The following R3HDM1 variants were observed in gnomAD, a reference collection of about 807,000 sequenced individuals.
The protein encoded by R3HDM1 is R3H domain containing 1, also known as R3H domain-containing protein 1.
R3HDM1 carries 46 observed loss-of-function variants against 141.1 expected under a neutral mutation model. That is an observed-to-expected ratio of 0.33 (90% CI 0.26 to 0.42). The LOEUF (loss-of-function observed/expected upper bound fraction) is 0.42, where lower values mean the gene tolerates loss of function less well. R3HDM1 is among the 10% of genes least tolerant of loss of function. The probability of loss-of-function intolerance (pLI) is 1.00; values close to 1 mark genes in which losing one functional copy is unlikely to be tolerated. For synonymous variants in R3HDM1, 435 were observed against 472.9 expected, an observed-to-expected ratio of 0.92 and a Z score of 1.04; for missense variants, 1,184 against 1,368.3, an observed-to-expected ratio of 0.87 and a Z score of 2.12.
intron 3 of R3HDM1, among the ~76,000 whole-genome samples, chr2:135,612,646 G>A (rs528192358): frequency 3.3e-5 from 5 of 152,246 alleles, no homozygotes; most frequent in Admixed American, 6.5e-5. Context: ...ATAAATTGGG[G>A]ACTTTGTCCC....
intron 3 of R3HDM1, among the ~76,000 whole-genome samples, chr2:135,615,703 C>T (rs2060963595): frequency 6.6e-6 from 1 of 152,210 alleles, no homozygotes; most frequent in African/African-American, 2.4e-5. Context: ...TGGACTCTGA[C>T]TTACTGTGCA....
At chr2:135,576,856 T>C (rs1027235351) in intron 1 of R3HDM1, 2 of 158,114 alleles carry the variant, frequency 1.3e-5, no homozygotes, top group Admixed American at 1.3e-4. Flanking sequence ...GGGAGTTTGG[T>C]CTAAAGAGGG....
intron 1 of R3HDM1, among the ~76,000 whole-genome samples, chr2:135,557,186 G>A (rs545072639): frequency 4.8e-4 from 73 of 151,960 alleles, no homozygotes; most frequent in African/African-American, 1.7e-3. Flanking sequence ...CTTACTCTAC[G>A]GTGGTAATTA....
intron 3 of R3HDM1, among the ~76,000 whole-genome samples, chr2:135,610,635 G>A (rs1027457418): frequency 2.6e-5 from 4 of 152,152 alleles, no homozygotes; most frequent in African/African-American, 4.8e-5. Flanking sequence ...ACGCTTCTTC[G>A]ACAATGAAGG....
At position 135,645,272 on chromosome 2, in the gene R3HDM1, T is replaced by TA. The variant is rs2064271932; in HGVS notation, c.1475-105dup. The TA allele has an allele frequency of 1.3e-5, 13 of 974,108 alleles. No individual in the cohort carries two copies. The Admixed American group carries it at 3.2e-4, about 24-fold the overall frequency. 60.3% of individuals were successfully genotyped at this position (974,108 alleles called of 1,614,324 possible). A position where few individuals can be genotyped will look rare whatever the true frequency, so the allele number is the denominator to read the frequency against. ...GTTTTCAAATATTAGGGTTTTTTTT[T>TA]AATTGTGGTTAAAGGATTTTGGACA... is the stretch of plus-strand genomic sequence containing the variant. On this transcript the variant is annotated intron_variant, in intron 15 of 26. Coordinates refer to ENST00000683871, the MANE Select transcript of R3HDM1 (RefSeq NM_001378107.1).
At position 135,604,186 on chromosome 2, in the gene R3HDM1, T is replaced by G. The variant is rs547591758; in HGVS notation, c.-40-620T>G. On this transcript the variant is annotated intron_variant, in intron 2 of 26. Coordinates refer to ENST00000683871, the MANE Select transcript of R3HDM1 (RefSeq NM_001378107.1). ...TTGTTAATCCAGATTTACAAGTGTA[T>G]TTTGTAATAGAATGTTACTGTTTAT... Among the ~76,000 whole-genome samples, 194 of 152,350 alleles carry G rather than the reference T, an allele frequency of 1.3e-3. 2 individuals are homozygous for G. The highest frequency in any genetic ancestry group is 4.3e-3 in the African/African-American group (177 of 41,586).
intron 11 of R3HDM1, among the ~76,000 whole-genome samples, 162 bp from the exon 12 acceptor site, chr2:135,638,456 C>G (rs1355814119): frequency 6.6e-6 from 1 of 152,078 alleles, no homozygotes; most frequent in Non-Finnish European, 1.5e-5. Flanking sequence ...CATAGGATCT[C>G]CAAACCAGAA....
At chr2:135,558,355 C>T (rs771442185) in intron 1 of R3HDM1, among the ~76,000 whole-genome samples, 4 of 152,188 alleles carry the variant, frequency 2.6e-5, no homozygotes, top group Non-Finnish European at 5.9e-5. Flanking sequence ...GACAGCACAA[C>T]TATCTAAATT....
chr2:135,581,830 T>G (rs1235569922), intron 1 of R3HDM1, among the ~76,000 whole-genome samples: 1 of 152,228 alleles, frequency 6.6e-6, no homozygotes, highest in Non-Finnish European at 1.5e-5. Flanking sequence ...TATGTCTAAA[T>G]TATTGTAAAA....
intron 16 of R3HDM1, 129 bp from the exon 17 acceptor site, chr2:135,649,773 G>A (rs1331135099): frequency 2.7e-6 from 1 of 366,756 alleles, no homozygotes; most frequent in East Asian, 1.2e-4. Flanking sequence ...TTCCTATGTT[G>A]TTATATTTTA....
intron 1 of R3HDM1, among the ~76,000 whole-genome samples, chr2:135,541,922 A>AT (rs1182801152): frequency 6.6e-6 from 1 of 151,682 alleles, no homozygotes; most frequent in African/African-American, 2.4e-5. Context: ...TAGGTTGAGT[A>AT]TTTTTTACCC....
chr2:135,545,253 C>T (rs186012729), intron 1 of R3HDM1, among the ~76,000 whole-genome samples: 1 of 152,062 alleles, frequency 6.6e-6, no homozygotes, highest in African/African-American at 2.4e-5. Context: ...CCGTGTACTG[C>T]CTATATAAAG....
At chr2:135,692,319 G>T (rs2072534577) in intron 21 of R3HDM1, among the ~76,000 whole-genome samples, 1 of 152,058 alleles carries the variant, frequency 6.6e-6, no homozygotes, top group Admixed American at 6.5e-5. Context: ...ATTATGCTTG[G>T]CCGGGCACAG....
At chr2:135,658,205 C>T (rs1362729203) in intron 18 of R3HDM1, among the ~76,000 whole-genome samples, 1 of 152,014 alleles carries the variant, frequency 6.6e-6, no homozygotes, top group African/African-American at 2.4e-5. Flanking sequence ...CTCGCTCTGC[C>T]GCCAGGCTGG....
At chr2:135,694,289 T>C (rs1416517914) in intron 21 of R3HDM1, among the ~76,000 whole-genome samples, 1 of 152,182 alleles carries the variant, frequency 6.6e-6, no homozygotes, top group Non-Finnish European at 1.5e-5. Context: ...GTTTACAAGG[T>C]AGAAGAGGTA....
At chr2:135,701,265 C>T (rs958557549) in intron 21 of R3HDM1, among the ~76,000 whole-genome samples, 2 of 150,654 alleles carry the variant, frequency 1.3e-5, no homozygotes, top group African/African-American at 4.9e-5. Context: ...TAGCCAGGTG[C>T]AGTGGTGCAC....
chr2:135,543,493 G>C (rs1303449529), intron 1 of R3HDM1, among the ~76,000 whole-genome samples: 1 of 151,178 alleles, frequency 6.6e-6, no homozygotes, highest in African/African-American at 2.4e-5. Context: ...GGGTCAGGTT[G>C]CCAGTTTCTG....
intron 1 of R3HDM1, among the ~76,000 whole-genome samples, chr2:135,572,385 G>C (rs544984345): frequency 3.3e-5 from 5 of 152,314 alleles, no homozygotes; most frequent in African/African-American, 1.2e-4. Context: ...TATTTTTCCA[G>C]AGAAGATACA....
intron 1 of R3HDM1, among the ~76,000 whole-genome samples, chr2:135,563,634 T>A (rs1416491174): frequency 6.6e-6 from 1 of 152,110 alleles, no homozygotes; most frequent in Non-Finnish European, 1.5e-5. Flanking sequence ...GTGCGGTAAA[T>A]ACCCAAAGCC....
Sources: gnomAD v4.1 joint callset for allele counts (sites outside exome capture counted in the v4.1 genomes callset) on GRCh38, gnomAD v4.1.1 for gene constraint, MANE v1.5 for transcripts, NCBI Gene and HGNC (gene_info 2026-07-23, HGNC 2026-07-21) for gene names.